Variants in DAB1 observed in about 807,000 individuals in gnomAD.
DAB1 encodes the protein disabled homolog 1.
In DAB1, 15 loss-of-function variants were observed where a neutral mutation model predicts 64.6. That is an observed-to-expected ratio of 0.23 (90% confidence interval 0.16 to 0.36). The LOEUF is 0.36. DAB1 is among the 10% of genes least tolerant of loss of function. DAB1 has a pLI of 1.00. For synonymous variants in DAB1, 235 were observed against 251.9 expected, an observed-to-expected ratio of 0.93 and a Z score of 0.64; for missense variants, 596 against 706.7, an observed-to-expected ratio of 0.84 and a Z score of 1.78.
chr1:57,593,017 C>A (rs1012845539), intron 7 of DAB1, among the ~76,000 whole-genome samples: 17 of 152,220 alleles, frequency 1.1e-4, no homozygotes, highest in Admixed American at 9.8e-4. Context: ...ATAACACTGT[C>A]TTAACCATGT....
At chr1:58,256,699 G>A (rs554196427) in intron 4 of DAB1, among the ~76,000 whole-genome samples, 38 of 152,236 alleles carry the variant, frequency 2.5e-4, no homozygotes, top group African/African-American at 8.0e-4. Context: ...GATCCTTGCA[G>A]TCATGGGCTT....
chr1:57,058,169 T>C (rs1441144756), intron 9 of DAB1, among the ~76,000 whole-genome samples: 1 of 151,838 alleles, frequency 6.6e-6, no homozygotes, highest in Non-Finnish European at 1.5e-5. Context: ...GGTTTGTGTT[T>C]AGAAGGCCAC....
intron 5 of DAB1, among the ~76,000 whole-genome samples, chr1:57,932,987 C>A (rs74333892): frequency 0.03 from 4,637 of 152,194 alleles, 94 homozygotes; most frequent in East Asian, 0.081. Flanking sequence ...GAACAGAATG[C>A]CCTGGCATTT....
chr1:57,524,437 T>C (rs1475240916), intron 7 of DAB1, among the ~76,000 whole-genome samples: 2 of 152,220 alleles, frequency 1.3e-5, no homozygotes, highest in African/African-American at 4.8e-5. Flanking sequence ...ACAGGCTTTG[T>C]GTGAGCACAT....
At chr1:57,663,634 T>A (rs549663442) in intron 6 of DAB1, among the ~76,000 whole-genome samples, 64 of 150,194 alleles carry the variant, frequency 4.3e-4, no homozygotes, top group African/African-American at 1.5e-3. Flanking sequence ...ATTTTCTTAT[T>A]TTTTTTTTTA....
chr1:58,140,937 C>T (rs535446613), intron 5 of DAB1, among the ~76,000 whole-genome samples: 22 of 152,212 alleles, frequency 1.4e-4, no homozygotes, highest in African/African-American at 5.1e-4. Flanking sequence ...TGTACTAGTC[C>T]GTTACTATAA....
chr1:57,700,855 C>G (rs1296264481), intron 6 of DAB1, among the ~76,000 whole-genome samples: 2 of 152,138 alleles, frequency 1.3e-5, no homozygotes, highest in African/African-American at 2.4e-5. Flanking sequence ...TTTTCTATAT[C>G]TTGTAGGTGG....
intron 5 of DAB1, among the ~76,000 whole-genome samples, chr1:57,963,786 A>G (rs1263225313): frequency 2.0e-5 from 3 of 151,928 alleles, no homozygotes; most frequent in Admixed American, 6.5e-5. Context: ...CACCAAACTC[A>G]TATCGCATTA....
chr1:57,584,113 T>C (rs1289084510), intron 7 of DAB1, among the ~76,000 whole-genome samples: 2 of 152,320 alleles, frequency 1.3e-5, no homozygotes, highest in East Asian at 3.9e-4. Flanking sequence ...CCAGTGGCTA[T>C]ACTTCAGCCA....
chr1:58,005,261 A>AG (rs958790927), intron 5 of DAB1, among the ~76,000 whole-genome samples: 12 of 152,112 alleles, frequency 7.9e-5, no homozygotes, highest in Admixed American at 5.2e-4. Context: ...TAGGGATGAT[A>AG]CAGCTTTGGA....
In DAB1 at chr1:57,019,061, C is replaced by A. The variant is rs551594994; in HGVS notation, c.896-3630G>T. Among the ~76,000 whole-genome samples the A allele has an allele frequency of 2.0e-5, 3 of 152,286 alleles. No homozygotes were observed. The South Asian group carries it at 6.2e-4, about 32-fold the overall frequency. On this transcript the variant is annotated intron_variant, in intron 11 of 14. Transcript: ENST00000371236. ...GTCCTTCTCTGGGCTTCCACAGTAC[C>A]CTGTGCTCACCTCTATCATGACACT...
intron 1 of DAB1, among the ~76,000 whole-genome samples, chr1:57,345,572 A>G (rs368193231): frequency 4.9e-4 from 74 of 152,328 alleles, no homozygotes; most frequent in African/African-American, 1.8e-3. Context: ...TTATGTATGC[A>G]ACATCTAGTG....
intron 3 of DAB1, among the ~76,000 whole-genome samples, chr1:58,427,803 AG>A (rs1644835443): frequency 1.3e-5 from 2 of 152,188 alleles, no homozygotes; most frequent in Admixed American, 1.3e-4. Context: ...TCTAGAGTTC[AG>A]GGGAGAGGCC....
At chr1:57,553,882 G>T (rs1318222497) in intron 7 of DAB1, among the ~76,000 whole-genome samples, 46 of 152,080 alleles carry the variant, frequency 3.0e-4, no homozygotes. Flanking sequence ...AGATGACAAG[G>T]TGTGAAGTGT....
At chr1:57,911,824 T>C (rs1644649218) in intron 5 of DAB1, among the ~76,000 whole-genome samples, 1 of 152,214 alleles carries the variant, frequency 6.6e-6, no homozygotes. Context: ...GGGCTCTAGA[T>C]ACACTATAGC....
intron 6 of DAB1, among the ~76,000 whole-genome samples, chr1:57,656,829 T>C (rs1004368175): frequency 6.6e-6 from 1 of 152,260 alleles, no homozygotes; most frequent in African/African-American, 2.4e-5. Flanking sequence ...ATGTGAGCTC[T>C]GTGTGATTCT....
intron 1 of DAB1, chr1:58,534,463 A>G: frequency 3.7e-6 from 2 of 534,110 alleles, no homozygotes; most frequent in Admixed American, 3.8e-5. Context: ...GCATATATTA[A>G]GCACTGAAAT....
chr1:58,354,537 G>A (rs1569676055), intron 3 of DAB1, among the ~76,000 whole-genome samples: 1 of 152,290 alleles, frequency 6.6e-6, no homozygotes, highest in African/African-American at 2.4e-5. Context: ...CGAACAGTGA[G>A]TAGTTATAAT....
intron 3 of DAB1, among the ~76,000 whole-genome samples, chr1:58,444,227 G>C (rs143764349): frequency 1.0e-3 from 159 of 152,326 alleles, no homozygotes; most frequent in African/African-American, 3.6e-3. Flanking sequence ...GTCATACTAT[G>C]CTAGAGAACA....
Sources: allele counts gnomAD v4.1 joint callset (sites outside exome capture counted in the v4.1 genomes callset), GRCh38; gene constraint gnomAD v4.1.1; transcripts MANE v1.5; gene names NCBI Gene and HGNC (gene_info 2026-07-23, HGNC 2026-07-21).